Variants in THSD7B observed in about 807,000 individuals in gnomAD.
THSD7B encodes thrombospondin type-1 domain-containing protein 7B.
THSD7B carries 138 observed loss-of-function variants against 213.6 expected under a neutral mutation model. The observed-to-expected ratio is 0.65, with a 90% confidence interval of 0.56 to 0.74. The LOEUF (loss-of-function observed/expected upper bound fraction) is 0.74, where lower values mean the gene tolerates loss of function less well. THSD7B is among the 30% of genes least tolerant of loss of function. The probability of loss-of-function intolerance (pLI) is 0.00; values close to 1 mark genes in which losing one functional copy is unlikely to be tolerated. For synonymous variants in THSD7B, 742 were observed against 687.0 expected (o/e 1.08, Z -1.25); for missense variants, 1,931 against 1,991.5 (o/e 0.97, Z 0.58).
chr2:137,572,460 C>A lies in THSD7B; in HGVS notation c.3327C>A (p.Asn1109Lys). The A allele has an allele frequency of 6.2e-7, 1 of 1,613,934 alleles. No individual in the cohort carries two copies. The highest frequency in any genetic ancestry group is 8.5e-7 in the Non-Finnish European group (1 of 1,179,842). The change falls in exon 17 of 28, where the codon AAC (asparagine) becomes AAA (lysine). Residue 1109 changes from asparagine (N) to lysine (K), a missense_variant. Physicochemically the swap from Asn to Lys is moderately conservative, Grantham distance 94 (BLOSUM62 0). Coordinates refer to ENST00000409968, the MANE Select transcript of THSD7B (RefSeq NM_001316349.2). ...EGGAVDSNLC[N>K]QDEIPPETQS... ...GAGCAGTGGATAGCAACCTGTGCAA[C>A]CAGGATGAAATTCCCCCAGAAACCC...
At chr2:136,969,744 A>G (rs1177075167) in intron 2 of THSD7B, among the ~76,000 whole-genome samples, 1 of 152,180 alleles carries the variant, frequency 6.6e-6, no homozygotes, top group Admixed American at 6.5e-5. Flanking sequence ...CAGAAGAAAG[A>G]CCAAGGAATA....
At chr2:137,093,110 C>G (rs894549667) in intron 3 of THSD7B, among the ~76,000 whole-genome samples, 9 of 152,190 alleles carry the variant, frequency 5.9e-5, no homozygotes, top group African/African-American at 2.2e-4. Context: ...ACAAAAGGAA[C>G]AGAATGCCAA....
At chr2:137,603,957 A>G (rs1184270046) in intron 17 of THSD7B, among the ~76,000 whole-genome samples, 1 of 152,144 alleles carries the variant, frequency 6.6e-6, no homozygotes, top group African/African-American at 2.4e-5. Context: ...CTAAAAATAC[A>G]AAAATTATCC....
At chr2:136,911,928 T>C (rs1010958763) in intron 2 of THSD7B, among the ~76,000 whole-genome samples, 4 of 152,072 alleles carry the variant, frequency 2.6e-5, no homozygotes, top group African/African-American at 7.2e-5. Flanking sequence ...GATGGATAAA[T>C]GGATAGATGG....
chr2:137,353,501 G>A (rs1685060873), intron 12 of THSD7B, among the ~76,000 whole-genome samples: 1 of 152,028 alleles, frequency 6.6e-6, no homozygotes, highest in South Asian at 2.1e-4. Context: ...AGCAGGAGTG[G>A]ACTCTATGAT....
chr2:136,877,594 T>C (rs1683545493), intron 1 of THSD7B, among the ~76,000 whole-genome samples: 1 of 152,204 alleles, frequency 6.6e-6, no homozygotes, highest in African/African-American at 2.4e-5. Flanking sequence ...GTCAGAGAGC[T>C]GTGTACTGGA....
chr2:137,551,983 G>A (rs1180557405), intron 15 of THSD7B, among the ~76,000 whole-genome samples: 7 of 152,090 alleles, frequency 4.6e-5, no homozygotes, highest in East Asian at 1.9e-4. Context: ...AATAGTACAC[G>A]TGACAGGCAT....
intron 2 of THSD7B, among the ~76,000 whole-genome samples, chr2:136,969,119 T>C (rs1685366920): frequency 1.3e-5 from 2 of 152,180 alleles, no homozygotes; most frequent in Admixed American, 1.3e-4. Context: ...GTAAAGACTC[T>C]TGCTTTGATT....
Position 137,620,727 on chromosome 2 carries a change from G to T in THSD7B, c.3799+1G>T. The T allele has an allele frequency of 6.2e-7, 1 of 1,610,642 alleles. No individual in the cohort carries two copies. Among genetic ancestry groups the T allele is most frequent in the Non-Finnish European group, 8.5e-7 (1 of 1,177,386 alleles). On this transcript the variant is annotated splice_donor_variant, in intron 20 of 27. Coordinates refer to ENST00000409968, the MANE Select transcript of THSD7B (RefSeq NM_001316349.2). LOFTEE classifies it high-confidence loss of function. Reference sequence around the variant, plus strand: ...TGTTCACAGACCTGTGGCCATGGAGGTATTGGTTTCCCCATATTTCCCACT... The same window carrying T: ...TGTTCACAGACCTGTGGCCATGGAGTTATTGGTTTCCCCATATTTCCCACT...
At chr2:137,072,796 G>C (rs1687524355) in intron 3 of THSD7B, among the ~76,000 whole-genome samples, 1 of 152,170 alleles carries the variant, frequency 6.6e-6, no homozygotes, top group Non-Finnish European at 1.5e-5. Context: ...CTAATTTATT[G>C]AGAGTTTTTA....
intron 2 of THSD7B, among the ~76,000 whole-genome samples, chr2:137,021,079 C>T (rs1271966511): frequency 6.6e-6 from 1 of 152,066 alleles, no homozygotes; most frequent in Non-Finnish European, 1.5e-5. Context: ...CAGAGTTTTT[C>T]GAGTAGAAAT....
chr2:136,802,639 TTATATATATATATATATATATATATATA>T (rs56719114), intron 1 of THSD7B, among the ~76,000 whole-genome samples: 2,198 of 57,418 alleles, frequency 0.038, 148 homozygotes, highest in African/African-American at 0.1. Flanking sequence ...TGAATTAAGT[TTATATATATATATATATATATATATATA>T]TATATATATA....
intron 21 of THSD7B, among the ~76,000 whole-genome samples, chr2:137,648,421 A>G (rs1356687321): frequency 6.6e-6 from 1 of 151,996 alleles, no homozygotes; most frequent in African/African-American, 2.4e-5. Context: ...TACCAATCTT[A>G]ACTCTCTATC....
At chr2:137,147,443 T>C (rs11678141) in intron 5 of THSD7B, among the ~76,000 whole-genome samples, 28,545 of 151,162 alleles carry the variant, frequency 0.19, 3,420 homozygotes, top group South Asian at 0.43. Flanking sequence ...TCAGTTACAA[T>C]GAGGCCTTCA....
At chr2:137,591,345 G>T (rs997660160) in intron 17 of THSD7B, among the ~76,000 whole-genome samples, 3 of 151,626 alleles carry the variant, frequency 2.0e-5, no homozygotes, top group African/African-American at 7.3e-5. Flanking sequence ...GAATGGTAAG[G>T]TTTTGACTCT....
At chr2:137,268,875 G>T (rs186294153) in intron 10 of THSD7B, among the ~76,000 whole-genome samples, 1 of 152,168 alleles carries the variant, frequency 6.6e-6, no homozygotes, top group Non-Finnish European at 1.5e-5. Flanking sequence ...AGTGTACACT[G>T]CCTGCCCTTG....
intron 2 of THSD7B, among the ~76,000 whole-genome samples, chr2:137,046,716 G>T (rs144947683): frequency 2.1e-3 from 277 of 134,144 alleles, no homozygotes; most frequent in African/African-American, 7.5e-3. Context: ...GGTGACAAGA[G>T]TGAAACTCCG....
At chr2:136,881,170 C>CT (rs1474950527) in intron 1 of THSD7B, among the ~76,000 whole-genome samples, 1 of 152,132 alleles carries the variant, frequency 6.6e-6, no homozygotes, top group Non-Finnish European at 1.5e-5. Context: ...GCTCTCCTCT[C>CT]TTTTTTGCAC....
intron 3 of THSD7B, among the ~76,000 whole-genome samples, chr2:137,070,616 G>C (rs1277929035): frequency 4.0e-5 from 6 of 151,528 alleles, no homozygotes; most frequent in Admixed American, 2.0e-4. Context: ...CAACGTGCAG[G>C]TTTGCTACAT....
Sources: gnomAD v4.1 joint callset for allele counts (sites outside exome capture counted in the v4.1 genomes callset) on GRCh38, gnomAD v4.1.1 for gene constraint, MANE v1.5 for transcripts, NCBI Gene and HGNC (gene_info 2026-07-23, HGNC 2026-07-21) for gene names.